Variants in HECW1 observed in about 807,000 individuals in gnomAD.
HECW1 encodes the protein HECT, C2 and WW domain containing E3 ubiquitin protein ligase 1.
Under a neutral mutation model 182.3 loss-of-function variants are expected in HECW1, and 61 were observed. The observed-to-expected ratio is 0.33, with a 90% confidence interval of 0.27 to 0.41. The LOEUF (loss-of-function observed/expected upper bound fraction) is 0.41. Ranked by LOEUF, HECW1 falls within the 10% of genes least tolerant of loss-of-function variation. The pLI, the probability that HECW1 is intolerant of heterozygous loss-of-function variation, is 1.00. For synonymous variants in HECW1, 859 were observed against 832.6 expected, an observed-to-expected ratio of 1.03 and a Z score of -0.55; for missense variants, 1,739 against 2,108.9, an observed-to-expected ratio of 0.82 and a Z score of 3.44.
intron 7 of HECW1, among the ~76,000 whole-genome samples, chr7:43,402,325 A>G (rs2152841581): frequency 6.6e-6 from 1 of 152,296 alleles, no homozygotes; most frequent in African/African-American, 2.4e-5. Context: ...GCGGGGCCGG[A>G]GCCCAAAAGC....
At chr7:43,224,936 A>C (rs1244421703) in intron 2 of HECW1, among the ~76,000 whole-genome samples, 2 of 152,340 alleles carry the variant, frequency 1.3e-5, no homozygotes, top group Admixed American at 6.5e-5. Context: ...GGCAGGGATA[A>C]GGCCAGCTTT....
chr7:43,418,246 A>G lies in HECW1; in HGVS notation c.801+10515A>G, dbSNP rs149222722. On this transcript the variant is annotated intron_variant, in intron 8 of 29. Transcript: ENST00000395891. ...ACATCTGTAAAGACCCTATTTCCAA[A>G]TAAGTTTGCATTCAAAAGCACCAGG... Among the ~76,000 whole-genome samples the G allele has an allele frequency of 5.7e-4, 87 of 152,296 alleles. 1 individual carries two copies. Among genetic ancestry groups the G allele is most frequent in the South Asian group, 3.5e-3 (17 of 4,810 alleles).
At chr7:43,301,755 A>G (rs1284825889) in intron 3 of HECW1, among the ~76,000 whole-genome samples, 2 of 151,984 alleles carry the variant, frequency 1.3e-5, no homozygotes, top group Non-Finnish European at 2.9e-5. Flanking sequence ...CGCACCTGTA[A>G]TCCCAGCTAC....
intron 19 of HECW1, among the ~76,000 whole-genome samples, chr7:43,494,526 C>T (rs1471364436): frequency 7.5e-5 from 11 of 147,418 alleles, no homozygotes; most frequent in African/African-American, 2.8e-4. Context: ...TTTTTTGAGA[C>T]AGAGTCTTGC....
At chr7:43,412,029 T>G (rs886842834) in intron 8 of HECW1, among the ~76,000 whole-genome samples, 1 of 152,202 alleles carries the variant, frequency 6.6e-6, no homozygotes, top group Non-Finnish European at 1.5e-5. Flanking sequence ...TATTTCCCCT[T>G]CTTGACTTGT....
chr7:43,519,163 C>T (rs558064080), intron 24 of HECW1, among the ~76,000 whole-genome samples: 2 of 152,156 alleles, frequency 1.3e-5, no homozygotes, highest in South Asian at 4.2e-4. Context: ...GAAACTCATA[C>T]CCATAGAGGT....
At chr7:43,412,075 T>G (rs2075819832) in intron 8 of HECW1, among the ~76,000 whole-genome samples, 1 of 152,200 alleles carries the variant, frequency 6.6e-6, no homozygotes, top group Admixed American at 6.5e-5. Flanking sequence ...GAATTTCATT[T>G]CAATTTATCT....
intron 12 of HECW1, among the ~76,000 whole-genome samples, chr7:43,452,769 C>G (rs2077276518): frequency 6.6e-6 from 1 of 152,110 alleles, no homozygotes; most frequent in Non-Finnish European, 1.5e-5. Context: ...GTGGGGGTGG[C>G]TGGTTTGCAG....
At chr7:43,180,405 A>ATT (rs140197154) in intron 2 of HECW1, among the ~76,000 whole-genome samples, 4 of 151,218 alleles carry the variant, frequency 2.6e-5, no homozygotes, top group Non-Finnish European at 4.4e-5. Flanking sequence ...TTGTATTTTT[A>ATT]TTTTTTTTGA....
intron 24 of HECW1, among the ~76,000 whole-genome samples, chr7:43,527,034 G>A (rs1417135606): frequency 6.6e-6 from 1 of 152,144 alleles, no homozygotes; most frequent in Non-Finnish European, 1.5e-5. Context: ...AGGTTTCAGA[G>A]CACTTTAGTT....
At chr7:43,530,116 A>AC (rs2080921168) in intron 24 of HECW1, among the ~76,000 whole-genome samples, 1 of 121,268 alleles carries the variant, frequency 8.2e-6, no homozygotes, top group African/African-American at 3.2e-5. Flanking sequence ...TGCTTGGCTA[A>AC]TTTTTTTTTT....
At position 43,243,843 on chromosome 7, in the gene HECW1, C is replaced by T. The variant is rs1175070902; in HGVS notation, c.-31-32C>T. ...GCTGATTTTGTTTGCTTGGGATACACGCTAAGTTAACCTCGTTGGACTTTT... is the reference window on the plus strand; with the variant it reads ...GCTGATTTTGTTTGCTTGGGATACATGCTAAGTTAACCTCGTTGGACTTTT... On this transcript the variant is annotated intron_variant, in intron 2 of 29. Coordinates refer to ENST00000395891, the MANE Select transcript of HECW1 (RefSeq NM_015052.5). The surrounding 1 kb of genome is among the most constrained non-coding windows in gnomAD (Gnocchi z 4.0). 2.3e-5 allele frequency: 36 copies of T among 1,556,174 alleles called. No individual in the cohort carries two copies. Among genetic ancestry groups the T allele is most frequent in the Admixed American group, 2.0e-4 (12 of 59,922 alleles).
intron 2 of HECW1, among the ~76,000 whole-genome samples, chr7:43,205,387 A>T (rs1351609023): frequency 6.6e-6 from 1 of 152,222 alleles, no homozygotes; most frequent in Non-Finnish European, 1.5e-5. Context: ...TTTCTCAGGC[A>T]GGCATTTTAA....
At chr7:43,440,905 G>T (rs973068525) in intron 9 of HECW1, among the ~76,000 whole-genome samples, 6 of 152,172 alleles carry the variant, frequency 3.9e-5, no homozygotes, top group African/African-American at 1.4e-4. Context: ...TGGGATATAG[G>T]TTGTCTCATA....
intron 3 of HECW1, among the ~76,000 whole-genome samples, chr7:43,244,895 C>T (rs1227372413): frequency 3.9e-5 from 6 of 152,214 alleles, no homozygotes; most frequent in African/African-American, 1.2e-4. Flanking sequence ...AGGAGAGGGA[C>T]GCCCTGAGAT....
intron 24 of HECW1, among the ~76,000 whole-genome samples, chr7:43,524,065 A>C (rs1326192908): frequency 6.6e-6 from 1 of 152,230 alleles, no homozygotes; most frequent in African/African-American, 2.4e-5. Flanking sequence ...CGGCAACTGC[A>C]GAATTTATTT....
At chr7:43,297,598 G>A (rs905415334) in intron 3 of HECW1, among the ~76,000 whole-genome samples, 2 of 152,136 alleles carry the variant, frequency 1.3e-5, no homozygotes, top group African/African-American at 2.4e-5. Flanking sequence ...TCATGCCTCC[G>A]CTGCTCCTGT....
At chr7:43,428,691 C>T (rs1039276086) in intron 8 of HECW1, among the ~76,000 whole-genome samples, 23 of 152,294 alleles carry the variant, frequency 1.5e-4, no homozygotes, top group South Asian at 4.1e-4. Flanking sequence ...CAACAAAGCA[C>T]GTGCAGAAGG....
chr7:43,165,890 A>G (rs935103787), intron 2 of HECW1, among the ~76,000 whole-genome samples: 3 of 152,208 alleles, frequency 2.0e-5, no homozygotes, highest in Admixed American at 1.3e-4. Context: ...CTGAGTCCCA[A>G]TGCAGATTTA....
Sources: gnomAD v4.1 joint callset for allele counts (sites outside exome capture counted in the v4.1 genomes callset) on GRCh38, gnomAD v4.1.1 for gene constraint, Gnocchi (gnomAD v3.1) non-coding constraint, MANE v1.5 for transcripts, NCBI Gene and HGNC (gene_info 2026-07-23, HGNC 2026-07-21) for gene names.